The following CTNNA2 variants were observed in gnomAD, a reference collection of about 807,000 sequenced individuals.
The protein encoded by CTNNA2 is catenin alpha 2, also known as catenin alpha-2.
In CTNNA2, 42 loss-of-function variants were observed where a neutral mutation model predicts 101.0. That is an observed-to-expected ratio of 0.42 (90% CI 0.32 to 0.54). The LOEUF (loss-of-function observed/expected upper bound fraction) is 0.54. Among genes scored for constraint, CTNNA2 ranks in the 20% least tolerant of loss-of-function variants. The pLI, the probability that CTNNA2 is intolerant of heterozygous loss-of-function variation, is 0.14. For synonymous variants in CTNNA2, 450 were observed against 456.4 expected, an observed-to-expected ratio of 0.99 and a Z score of 0.18; for missense variants, 871 against 1,223.1, an observed-to-expected ratio of 0.71 and a Z score of 4.29.
rs1057398735 is a variant in CTNNA2, at chr2:79,819,937, T to C, written c.299-38076T>C. On this transcript the variant is annotated intron_variant, in intron 3 of 18. Coordinates refer to ENST00000402739, the MANE Select transcript of CTNNA2 (RefSeq NM_001282597.3). ...ATTATATATTCATAATAATTAAAAA[T>C]AAAAATAAAATGACAATGAAAACAA... is the stretch of plus-strand genomic sequence containing the variant. Among the ~76,000 whole-genome samples the C allele has an allele frequency of 3.9e-5, 6 of 151,934 alleles. 2 individuals are homozygous for C. Among genetic ancestry groups the C allele is most frequent in the Admixed American group, 3.9e-4 (6 of 15,256 alleles).
At chr2:80,300,064 C>T (rs2149200584) in intron 7 of CTNNA2, among the ~76,000 whole-genome samples, 1 of 152,238 alleles carries the variant, frequency 6.6e-6, no homozygotes, top group Non-Finnish European at 1.5e-5. Context: ...GCTACCCCTG[C>T]TCTTGGAGTG....
chr2:79,649,712 T>G (rs1476342061), intron 1 of CTNNA2, among the ~76,000 whole-genome samples: 1 of 152,212 alleles, frequency 6.6e-6, no homozygotes, highest in African/African-American at 2.4e-5. Flanking sequence ...ATTGTTGTGA[T>G]GAAGAAACCC....
At chr2:80,004,333 G>A (rs1341484843) in intron 7 of CTNNA2, among the ~76,000 whole-genome samples, 2 of 152,120 alleles carry the variant, frequency 1.3e-5, no homozygotes, top group Non-Finnish European at 1.5e-5. Flanking sequence ...TAAGAGTATG[G>A]CCTAGAGTAA....
chr2:79,942,508 T>C (rs531453290), intron 7 of CTNNA2, among the ~76,000 whole-genome samples: 1 of 152,236 alleles, frequency 6.6e-6, no homozygotes, highest in East Asian at 1.9e-4. Context: ...GCAGCAGAAA[T>C]AAAATATAGC....
At chr2:80,313,816 C>T (rs1219603872) in intron 7 of CTNNA2, among the ~76,000 whole-genome samples, 1 of 152,186 alleles carries the variant, frequency 6.6e-6, no homozygotes, top group Admixed American at 6.5e-5. Context: ...GCAATGAGAG[C>T]AGTTGGCAGA....
chr2:80,569,603 C>T (rs1573306541), intron 12 of CTNNA2, among the ~76,000 whole-genome samples: 2 of 105,964 alleles, frequency 1.9e-5, no homozygotes, highest in Non-Finnish European at 4.2e-5. Flanking sequence ...GAAACTTTTT[C>T]TGTCTCAGTA....
intron 2 of CTNNA2, among the ~76,000 whole-genome samples, chr2:79,235,779 A>G (rs554092139): frequency 7.9e-5 from 12 of 152,272 alleles, no homozygotes; most frequent in South Asian, 4.1e-4. Context: ...TTCACAAGGA[A>G]ACATGGGGTT....
rs952027709 is a variant in CTNNA2, at chr2:80,424,233, C to T, written c.1290+4632C>T. 3.9e-5 allele frequency among the ~76,000 whole-genome samples: 6 copies of T among 152,116 alleles called. No homozygotes were observed. The East Asian group carries it at 5.8e-4, about 15-fold the overall frequency. On this transcript the variant is annotated intron_variant, in intron 9 of 18. Coordinates refer to ENST00000402739, the MANE Select transcript of CTNNA2 (RefSeq NM_001282597.3). Reference sequence around the variant, plus strand: ...CCTCCCAAAGTGCTGGGATTACAGGCGTGAGCCACCGTGCCCGGCCCAGCA... The same window carrying T: ...CCTCCCAAAGTGCTGGGATTACAGGTGTGAGCCACCGTGCCCGGCCCAGCA...
intron 2 of CTNNA2, among the ~76,000 whole-genome samples, chr2:79,308,376 T>G (rs78437723): frequency 8.2e-4 from 125 of 152,122 alleles, no homozygotes; most frequent in South Asian, 2.1e-4. Flanking sequence ...GGATTATTTG[T>G]TTTTTTGCTG....
intron 3 of CTNNA2, among the ~76,000 whole-genome samples, chr2:79,327,452 T>A (rs1573081726): frequency 6.6e-6 from 1 of 152,192 alleles, no homozygotes. Context: ...TGAATACTGG[T>A]CTTCATTCTC....
chr2:80,596,120 T>C (rs1696927498), intron 15 of CTNNA2, among the ~76,000 whole-genome samples: 1 of 151,794 alleles, frequency 6.6e-6, no homozygotes, highest in African/African-American at 2.4e-5. Flanking sequence ...ATTATCTTTG[T>C]AGTAATTGTG....
At chr2:79,513,247 C>G (rs945186891) in intron 1 of CTNNA2, 40 bp downstream of exon 1, 16 of 148,668 alleles carry the variant, frequency 1.1e-4, no homozygotes, top group African/African-American at 3.4e-4. Flanking sequence ...CTGCCTGCCT[C>G]CCTCCCTCCC....
At chr2:80,498,552 A>G (rs1687640304) in intron 9 of CTNNA2, among the ~76,000 whole-genome samples, 1 of 152,208 alleles carries the variant, frequency 6.6e-6, no homozygotes, top group African/African-American at 2.4e-5. Context: ...TAGAGTGAAT[A>G]CATGAAGATG....
At chr2:79,808,646 A>G (rs1005594333) in intron 3 of CTNNA2, among the ~76,000 whole-genome samples, 5 of 152,232 alleles carry the variant, frequency 3.3e-5, no homozygotes, top group African/African-American at 1.2e-4. Flanking sequence ...TTTGCCTAAC[A>G]CAAGGTCACA....
At chr2:80,607,121 A>G (rs1698096925) in intron 16 of CTNNA2, among the ~76,000 whole-genome samples, 1 of 151,904 alleles carries the variant, frequency 6.6e-6, no homozygotes, top group South Asian at 2.1e-4. Context: ...TTGATAAAAG[A>G]ATTTCCTTTC....
At chr2:80,354,133 T>TC (rs1673561576) in intron 7 of CTNNA2, among the ~76,000 whole-genome samples, 1 of 152,086 alleles carries the variant, frequency 6.6e-6, no homozygotes, top group Admixed American at 6.5e-5. Flanking sequence ...AACTAATGAG[T>TC]CCCTTGCACT....
intron 2 of CTNNA2, among the ~76,000 whole-genome samples, chr2:79,724,058 GT>G (rs1185342014): frequency 6.6e-6 from 1 of 152,178 alleles, no homozygotes; most frequent in African/African-American, 2.4e-5. Context: ...CACCATCTCA[GT>G]TCTGGACTGC....
At chr2:79,986,189 G>A (rs1409853180) in intron 7 of CTNNA2, among the ~76,000 whole-genome samples, 1 of 152,194 alleles carries the variant, frequency 6.6e-6, no homozygotes, top group African/African-American at 2.4e-5. Flanking sequence ...GCCAATAGCA[G>A]CTTGGACATG....
chr2:80,608,371 G>A lies in CTNNA2; in HGVS notation c.2430+53G>A. The A allele has an allele frequency of 1.9e-6, 3 of 1,570,642 alleles. No individual in the cohort carries two copies. In the South Asian group the frequency reaches 3.4e-5, roughly 18 times the overall value. On this transcript the variant is annotated intron_variant, in intron 17 of 18. Transcript: ENST00000402739. ...AAAGTTCCCACCGTTGCACTTCCAA[G>A]GCAAACATTCTTGGCAACAGTACTG...
Sources: allele counts gnomAD v4.1 joint callset (sites outside exome capture counted in the v4.1 genomes callset), GRCh38; gene constraint gnomAD v4.1.1; transcripts MANE v1.5; gene names NCBI Gene and HGNC (gene_info 2026-07-23, HGNC 2026-07-21).